Variants in FBXL14 observed in about 807,000 individuals in gnomAD.
FBXL14 encodes F-box and leucine rich repeat protein 14.
Under a neutral mutation model 24.5 loss-of-function variants are expected in FBXL14, and 11 were observed. That is an observed-to-expected ratio of 0.45 (90% CI 0.28 to 0.74). The LOEUF (loss-of-function observed/expected upper bound fraction) is 0.74. Ranked by LOEUF, FBXL14 falls within the 30% of genes least tolerant of loss-of-function variation. The pLI is 0.12. For synonymous variants in FBXL14, 294 were observed against 240.4 expected (o/e 1.22, Z -2.06); for missense variants, 384 against 545.6 (o/e 0.70, Z 2.95).
At chr12:1,581,567 C>T (rs1012489965) in intron 1 of FBXL14, among the ~76,000 whole-genome samples, 21 of 152,184 alleles carry the variant, frequency 1.4e-4, no homozygotes, top group African/African-American at 5.1e-4. Flanking sequence ...TATGTGTCCT[C>T]TGTACACTGT....
intron 1 of FBXL14, among the ~76,000 whole-genome samples, chr12:1,583,907 T>C (rs1450716590): frequency 3.3e-5 from 5 of 152,158 alleles, no homozygotes; most frequent in Admixed American, 6.5e-5. Flanking sequence ...GGAAGGTAAA[T>C]TGTGTGTAAG....
In FBXL14 at chr12:1,593,993, T is replaced by C. The variant is rs1168161762; in HGVS notation, c.74A>G (p.Lys25Arg). 3.2e-6 allele frequency: 5 copies of C among 1,584,114 alleles called. No homozygotes were observed. Among genetic ancestry groups the C allele is most frequent in the African/African-American group, 2.7e-5 (2 of 74,586 alleles). The change falls in exon 1 of 2, where the codon AAG becomes AGG. Residue 25 changes from lysine (K) to arginine (R), a missense_variant. Lys to Arg is a conservative substitution (Grantham distance 26). Transcript: ENST00000339235. This position sits in a 1 kb window ranked among gnomAD's most constrained non-coding sequence, Gnocchi z 7.4. ...MIFGYLDVRD[K>R]GRAAQVCTAW... is the part of the protein sequence containing the mutation. ...GGTGCACACCTGCGCCGCGCGCCCCTTGTCCCGGACGTCCAGGTAGCCGAA... is the reference window on the plus strand; with the variant it reads ...GGTGCACACCTGCGCCGCGCGCCCCCTGTCCCGGACGTCCAGGTAGCCGAA...
At position 1,566,783 on chromosome 12, in the gene FBXL14, A is replaced by G. The variant is rs764751748; in HGVS notation, c.1222T>C (p.Phe408Leu). The G allele has an allele frequency of 1.3e-6, 1 of 781,038 alleles. No homozygotes were observed. The highest frequency in any genetic ancestry group is 1.3e-5 in the South Asian group (1 of 74,604). The allele number at this position is 781,038 out of a possible 1,614,324, so 48.4% of individuals were successfully genotyped here. ...GAGCTTCCCCGAGTTCTCACAGTGA[A>G]TAATGGAGAAAAATCCCCTCGTGCC... ...KEARGDFSPL[F>L]TVRTRGSSRR The change falls in exon 2 of 2, where the codon TTC becomes CTC. Residue 408 changes from phenylalanine to leucine, a missense_variant. By Grantham distance (22) the Phe-to-Leu change is conservative (BLOSUM62 0). Coordinates refer to ENST00000339235, the MANE Select transcript of FBXL14 (RefSeq NM_152441.3).
chr12:1,572,521 T>C (rs904051448), intron 1 of FBXL14, among the ~76,000 whole-genome samples: 1 of 152,340 alleles, frequency 6.6e-6, no homozygotes, highest in African/African-American at 2.4e-5. Context: ...CATATGCTAG[T>C]AGACCCAGGT....
intron 1 of FBXL14, among the ~76,000 whole-genome samples, chr12:1,570,060 C>T (rs1023399942): frequency 6.6e-6 from 1 of 152,170 alleles, no homozygotes; most frequent in Non-Finnish European, 1.5e-5. Flanking sequence ...AGGGGTTTTT[C>T]CCCTCTGGTC....
chr12:1,581,160 C>T (rs983403995), intron 1 of FBXL14, among the ~76,000 whole-genome samples: 9 of 151,868 alleles, frequency 5.9e-5, no homozygotes, highest in African/African-American at 2.2e-4. Flanking sequence ...AATTCAGAAA[C>T]TGGGAAATGG....
At chr12:1,573,936 T>C (rs1007766580) in intron 1 of FBXL14, among the ~76,000 whole-genome samples, 23 of 148,396 alleles carry the variant, frequency 1.5e-4, no homozygotes, top group East Asian at 3.9e-4. Context: ...ACCTGGGAGG[T>C]GGAGGTTTTG....
chr12:1,577,266 G>A (rs967700243), intron 1 of FBXL14, among the ~76,000 whole-genome samples: 4 of 152,204 alleles, frequency 2.6e-5, no homozygotes, highest in East Asian at 3.8e-4. Flanking sequence ...CGCGCTGAGC[G>A]TGGGGCACTT....
chr12:1,583,368 T>C (rs1372495354), intron 1 of FBXL14, among the ~76,000 whole-genome samples: 1 of 150,996 alleles, frequency 6.6e-6, no homozygotes, highest in African/African-American at 2.5e-5. Context: ...TTAAGAAGAA[T>C]TAGAAGTTTA....
chr12:1,593,583 G>A lies in FBXL14; in HGVS notation c.484C>T (p.Leu162=). Residue 162 remains leucine, a synonymous_variant, in exon 1 of 2, where the codon CTG becomes TTG. Coordinates refer to ENST00000339235, the MANE Select transcript of FBXL14 (RefSeq NM_152441.3). The surrounding 1 kb of genome is among the most constrained non-coding windows in gnomAD (Gnocchi z 7.4). ...CGCTGCAGACCCCAGGCGATGAGCA[G>A]AAGGCCAGTGTTGGTGATGTTGCTG... ...GCSNITNTGL[L]LIAWGLQRLK... is the part of the protein sequence containing the mutation. The A allele has an allele frequency of 1.2e-6, 2 of 1,614,190 alleles. No individual in the cohort carries two copies. The highest frequency in any genetic ancestry group is 1.7e-6 in the Non-Finnish European group (2 of 1,180,030).
chr12:1,569,018 T>C lies in FBXL14; in HGVS notation c.1195-2208A>G, dbSNP rs2094440856. Among the ~76,000 whole-genome samples the C allele has an allele frequency of 6.6e-6, 1 of 152,162 alleles. No individual in the cohort carries two copies. The highest frequency in any genetic ancestry group is 1.5e-5 in the Non-Finnish European group (1 of 68,032). On this transcript the variant is annotated intron_variant, in intron 1 of 1. Transcript: ENST00000339235. This position sits in a 1 kb window ranked among gnomAD's most constrained non-coding sequence, Gnocchi z 4.2. ...AGACATGGAGAATAACCCAGAATAA[T>C]TATCTTTAATAATATAAGCATAATT...
At chr12:1,582,624 GAATGTAATT>G (rs1251695966) in intron 1 of FBXL14, among the ~76,000 whole-genome samples, 1 of 152,176 alleles carries the variant, frequency 6.6e-6, no homozygotes, top group Non-Finnish European at 1.5e-5. Flanking sequence ...TGCCAGGAAT[GAATGTAATT>G]TGCCTTATGC....
chr12:1,584,166 G>A (rs1302774911), intron 1 of FBXL14, among the ~76,000 whole-genome samples: 8 of 152,018 alleles, frequency 5.3e-5, no homozygotes, highest in African/African-American at 1.9e-4. Flanking sequence ...GCAGCATAGC[G>A]AGACCCTGTC....
chr12:1,594,174 C>CGCA lies in FBXL14; in HGVS notation c.-109_-108insTGC. The CGCA allele has an allele frequency of 1.1e-6, 1 of 930,306 alleles. No individual in the cohort carries two copies. Among genetic ancestry groups the CGCA allele is most frequent in the Non-Finnish European group, 1.4e-6 (1 of 729,346 alleles). The allele number at this position is 930,306 out of a possible 1,614,324, so 57.6% of individuals were successfully genotyped here. ...TCTCCCCAGCCGCCGCCGCCGCCGC[C>CGCA]GCCGCCGCCTCGGGCCCAACGGCCG... On this transcript the variant is annotated 5_prime_UTR_variant, in exon 1 of 2. Coordinates refer to ENST00000339235, the MANE Select transcript of FBXL14 (RefSeq NM_152441.3).
chr12:1,578,700 T>C (rs772977358), intron 1 of FBXL14, among the ~76,000 whole-genome samples: 7 of 151,998 alleles, frequency 4.6e-5, no homozygotes, highest in Non-Finnish European at 7.4e-5. Context: ...GCAGAGAAGC[T>C]GAAGAATGAT....
Position 1,566,430 on chromosome 12 carries a change from G to C in FBXL14, c.*318C>G, listed in dbSNP as rs556225230. ...TGTATAAAATTAAAGTGTGGAACTT[G>C]TAGTTTCCTGTCGAAGAAGCTTGCA... On this transcript the variant is annotated 3_prime_UTR_variant, in exon 2 of 2. Coordinates refer to ENST00000339235, the MANE Select transcript of FBXL14 (RefSeq NM_152441.3). The C allele has an allele frequency of 7.0e-5, 19 of 272,126 alleles. No individual in the cohort carries two copies. Among genetic ancestry groups the C allele is most frequent in the African/African-American group, 4.2e-4 (19 of 45,558 alleles). The allele number at this position is 272,126 out of a possible 1,614,324, so 16.9% of individuals were successfully genotyped here.
intron 1 of FBXL14, among the ~76,000 whole-genome samples, chr12:1,571,959 C>T (rs1280065658): frequency 2.0e-5 from 3 of 152,190 alleles, no homozygotes. Context: ...GAGACCTCAC[C>T]ACCCATAGCC....
chr12:1,571,462 C>T (rs1027648365), intron 1 of FBXL14, among the ~76,000 whole-genome samples: 1 of 152,220 alleles, frequency 6.6e-6, no homozygotes, highest in African/African-American at 2.4e-5. Context: ...CCTGCCTCAG[C>T]CTCCCAAAGT....
intron 1 of FBXL14, among the ~76,000 whole-genome samples, chr12:1,572,183 G>A (rs961110840): frequency 1.3e-5 from 2 of 152,234 alleles, no homozygotes; most frequent in Non-Finnish European, 2.9e-5. Context: ...AGCATTTTAG[G>A]TGACAGTATG....
Sources: allele counts gnomAD v4.1 joint callset (sites outside exome capture counted in the v4.1 genomes callset), GRCh38; gene constraint gnomAD v4.1.1; non-coding constraint Gnocchi (gnomAD v3.1); transcripts MANE v1.5; gene names NCBI Gene and HGNC (gene_info 2026-07-23, HGNC 2026-07-21).